Variants in EPHA5 observed in about 807,000 individuals in gnomAD.
The protein encoded by EPHA5 is ephrin type-A receptor 5.
Under a neutral mutation model 105.0 loss-of-function variants are expected in EPHA5, and 60 were observed. The observed-to-expected ratio is 0.57, with a 90% CI of 0.46 to 0.71. The LOEUF is 0.71. Among genes scored for constraint, EPHA5 ranks in the 30% least tolerant of loss-of-function variants. The probability of loss-of-function intolerance (pLI) is 0.00; values close to 1 mark genes in which losing one functional copy is unlikely to be tolerated. For synonymous variants in EPHA5, 513 were observed against 449.1 expected, an observed-to-expected ratio of 1.14 and a Z score of -1.80; for missense variants, 1,218 against 1,274.7, an observed-to-expected ratio of 0.96 and a Z score of 0.68.
intron 6 of EPHA5, 82 bp downstream of exon 6, chr4:65,420,359 C>G (rs775833197): frequency 1.5e-6 from 2 of 1,362,890 alleles, no homozygotes; most frequent in South Asian, 1.4e-5. Context: ...TTGCAACATA[C>G]TCTTCTGCAA....
chr4:65,506,674 T>C (rs972035807), intron 3 of EPHA5, among the ~76,000 whole-genome samples: 3 of 149,540 alleles, frequency 2.0e-5, no homozygotes, highest in African/African-American at 7.4e-5. Context: ...TGTCTTCTTT[T>C]GAGAAGTGTC....
chr4:65,361,422 T>G (rs1442826954), intron 11 of EPHA5, among the ~76,000 whole-genome samples: 1 of 151,604 alleles, frequency 6.6e-6, no homozygotes, highest in African/African-American at 2.4e-5. Context: ...TGAAAGTCTA[T>G]GCATTTTGGT....
At chr4:65,662,182 T>C (rs1036965946) in intron 1 of EPHA5, among the ~76,000 whole-genome samples, 7 of 151,918 alleles carry the variant, frequency 4.6e-5, no homozygotes, top group Non-Finnish European at 8.8e-5. Flanking sequence ...GTAAAATTAA[T>C]ATAAGAGAAA....
At chr4:65,388,991 T>C (rs943682055) in intron 8 of EPHA5, among the ~76,000 whole-genome samples, 1 of 152,084 alleles carries the variant, frequency 6.6e-6, no homozygotes, top group African/African-American at 2.4e-5. Context: ...TCACTTATCA[T>C]GTAAATATTG....
intron 8 of EPHA5, among the ~76,000 whole-genome samples, chr4:65,377,365 A>T (rs1719114815): frequency 6.6e-6 from 1 of 152,058 alleles, no homozygotes; most frequent in Non-Finnish European, 1.5e-5. Context: ...ACATATAAAT[A>T]AAGATGTAAG....
chr4:65,637,067 A>G (rs2149501584), intron 2 of EPHA5, among the ~76,000 whole-genome samples: 1 of 152,228 alleles, frequency 6.6e-6, no homozygotes, highest in African/African-American at 2.4e-5. Flanking sequence ...ACCAACAGGC[A>G]CACAAATATA....
chr4:65,473,184 G>T (rs112100685), intron 5 of EPHA5, among the ~76,000 whole-genome samples: 5 of 151,932 alleles, frequency 3.3e-5, no homozygotes, highest in African/African-American at 1.2e-4. Flanking sequence ...TCAGCATTTT[G>T]GTCAAAAAAC....
chr4:65,542,662 T>C (rs992635598), intron 3 of EPHA5, among the ~76,000 whole-genome samples: 1 of 151,968 alleles, frequency 6.6e-6, no homozygotes, highest in Non-Finnish European at 1.5e-5. Flanking sequence ...GCTGGCACCA[T>C]TCCTTCAAAA....
intron 3 of EPHA5, among the ~76,000 whole-genome samples, chr4:65,525,138 C>T (rs536829373): frequency 1.9e-4 from 29 of 151,702 alleles, no homozygotes; most frequent in African/African-American, 7.0e-4. Context: ...TATAATTCTT[C>T]AATTTTCCAT....
At chr4:65,531,029 T>A (rs1375631896) in intron 3 of EPHA5, among the ~76,000 whole-genome samples, 1 of 132,100 alleles carries the variant, frequency 7.6e-6, no homozygotes, top group Admixed American at 7.7e-5. Context: ...TTTTTATTTT[T>A]TTTATTTTTT....
chr4:65,571,575 C>G (rs1053819548), intron 3 of EPHA5, among the ~76,000 whole-genome samples: 2 of 152,008 alleles, frequency 1.3e-5, no homozygotes, highest in Non-Finnish European at 2.9e-5. Context: ...GGTTTGCTTC[C>G]TAAACAGTAT....
rs376683007 is a variant in EPHA5 at position 65,528,683 on chromosome 4, T to G, written c.911-33140A>C. Among the ~76,000 whole-genome samples the G allele has an allele frequency of 2.0e-5, 3 of 152,298 alleles. No homozygotes were observed. In the East Asian group the frequency reaches 5.8e-4, roughly 29 times the overall value. On this transcript the variant is annotated intron_variant, in intron 3 of 16. Coordinates refer to ENST00000613740, the MANE Select transcript of EPHA5 (RefSeq NM_001281766.3). Reference sequence around the variant, plus strand: ...TCATTTCCCTTTGTTTCATGTTATTTTTTTTCCAACTTTGGTTAAATCTGA... The same window carrying G: ...TCATTTCCCTTTGTTTCATGTTATTGTTTTTCCAACTTTGGTTAAATCTGA...
chr4:65,525,675 G>C (rs1450892603), intron 3 of EPHA5, among the ~76,000 whole-genome samples: 2 of 151,716 alleles, frequency 1.3e-5, no homozygotes, highest in East Asian at 3.9e-4. Flanking sequence ...AAAAACACAA[G>C]AACCTTACTG....
intron 5 of EPHA5, among the ~76,000 whole-genome samples, chr4:65,439,444 G>T (rs181266514): frequency 9.2e-5 from 6 of 65,180 alleles, no homozygotes; most frequent in African/African-American, 3.8e-4. Flanking sequence ...ACCACCCCCC[G>T]CTGCCCCATA....
intron 5 of EPHA5, among the ~76,000 whole-genome samples, chr4:65,445,760 G>A (rs954338396): frequency 6.6e-6 from 1 of 151,998 alleles, no homozygotes; most frequent in Admixed American, 6.6e-5. Context: ...ATTAATTTTG[G>A]TTCAAATAGC....
At chr4:65,358,871 G>A (rs563468842) in intron 11 of EPHA5, among the ~76,000 whole-genome samples, 4 of 151,380 alleles carry the variant, frequency 2.6e-5, no homozygotes, top group African/African-American at 4.8e-5. Flanking sequence ...TCTTTATTTC[G>A]GAATGTTTAC....
chr4:65,341,919 T>C (rs17086119), intron 14 of EPHA5, among the ~76,000 whole-genome samples: 25,011 of 152,022 alleles, frequency 0.16, 2,220 homozygotes, highest in East Asian at 0.33. Flanking sequence ...CCAGATGACA[T>C]AGAAATAGTT....
intron 5 of EPHA5, among the ~76,000 whole-genome samples, chr4:65,450,520 T>G (rs1176378542): frequency 6.6e-6 from 1 of 152,126 alleles, no homozygotes; most frequent in African/African-American, 2.4e-5. Flanking sequence ...CAATGTAAAA[T>G]CTGGTAGACA....
intron 11 of EPHA5, among the ~76,000 whole-genome samples, chr4:65,357,102 T>C (rs944578547): frequency 6.6e-6 from 1 of 151,508 alleles, no homozygotes; most frequent in Non-Finnish European, 1.5e-5. Context: ...AAATACATTA[T>C]TTGAGAAATT....
Sources: gnomAD v4.1 joint callset for allele counts (sites outside exome capture counted in the v4.1 genomes callset) on GRCh38, gnomAD v4.1.1 for gene constraint, MANE v1.5 for transcripts, NCBI Gene and HGNC (gene_info 2026-07-23, HGNC 2026-07-21) for gene names.